MTHFD1L: variants seen among roughly 807,000 people sequenced by gnomAD.
The protein encoded by MTHFD1L is methylenetetrahydrofolate dehydrogenase (NADP+ dependent) 1 like.
Under a neutral mutation model 119.5 loss-of-function variants are expected in MTHFD1L, and 81 were observed. The ratio of observed to expected loss-of-function variants is 0.68; its 90% confidence interval spans 0.57 to 0.82. The LOEUF (loss-of-function observed/expected upper bound fraction) is 0.82, where lower values mean the gene tolerates loss of function less well. MTHFD1L is among the 40% of genes least tolerant of loss of function. MTHFD1L has a pLI of 0.00. For synonymous variants in MTHFD1L, 430 were observed against 475.2 expected, an observed-to-expected ratio of 0.90 and a Z score of 1.24; for missense variants, 1,125 against 1,253.4, an observed-to-expected ratio of 0.90 and a Z score of 1.55.
At chr6:150,884,180 T>G (rs1020755463) in intron 5 of MTHFD1L, among the ~76,000 whole-genome samples, 7 of 151,242 alleles carry the variant, frequency 4.6e-5, no homozygotes, top group African/African-American at 1.7e-4. Flanking sequence ...CTCACTCTGT[T>G]GCCCAGGCTG....
chr6:150,964,871 C>A, intron 18 of MTHFD1L, 98 bp from the exon 19 acceptor site: 1 of 1,149,290 alleles, frequency 8.7e-7, no homozygotes, highest in Non-Finnish European at 1.3e-6. Flanking sequence ...CCTGTGGGGA[C>A]GCCCACCCAA....
At chr6:151,049,270 T>G (rs1214711050) in intron 26 of MTHFD1L, among the ~76,000 whole-genome samples, 1 of 152,112 alleles carries the variant, frequency 6.6e-6, no homozygotes, top group Non-Finnish European at 1.5e-5. Flanking sequence ...GGCAGGCAGA[T>G]CACGAGGTCA....
At chr6:151,088,868 C>T (rs1219670210) in intron 26 of MTHFD1L, among the ~76,000 whole-genome samples, 3 of 152,170 alleles carry the variant, frequency 2.0e-5, no homozygotes, top group South Asian at 2.1e-4. Flanking sequence ...AATCCTGCAT[C>T]GCCTTTCATC....
intron 7 of MTHFD1L, 35 bp from the exon 8 acceptor site, chr6:150,905,615 T>A (rs1385035648): frequency 6.6e-7 from 1 of 1,504,230 alleles, no homozygotes; most frequent in African/African-American, 1.4e-5. Flanking sequence ...ATGCCTCAGA[T>A]CAAGATGTGC....
At chr6:151,087,829 T>C (rs983368045) in intron 26 of MTHFD1L, among the ~76,000 whole-genome samples, 1 of 152,234 alleles carries the variant, frequency 6.6e-6, no homozygotes, top group Non-Finnish European at 1.5e-5. Context: ...ATTCAGAAGC[T>C]TCATTGTAGT....
chr6:150,903,527 C>T (rs146281112), intron 7 of MTHFD1L, among the ~76,000 whole-genome samples: 6 of 152,132 alleles, frequency 3.9e-5, no homozygotes, highest in Non-Finnish European at 7.3e-5. Context: ...AGCGATCCTT[C>T]CACCTCAACC....
At chr6:150,949,243 C>A in intron 16 of MTHFD1L, 110 bp downstream of exon 16, 1 of 781,722 alleles carries the variant, frequency 1.3e-6, no homozygotes, top group Non-Finnish European at 2.1e-6. Flanking sequence ...GTGATCTTCC[C>A]AGCCTGTGCT....
chr6:150,964,667 C>G (rs1362860437), intron 18 of MTHFD1L, among the ~76,000 whole-genome samples: 1 of 152,188 alleles, frequency 6.6e-6, no homozygotes, highest in Non-Finnish European at 1.5e-5. Context: ...AACACATTTT[C>G]TTGCAATGAA....
chr6:150,977,817 G>A (rs978243486), intron 20 of MTHFD1L, among the ~76,000 whole-genome samples: 3 of 151,910 alleles, frequency 2.0e-5, no homozygotes, highest in Non-Finnish European at 4.4e-5. Context: ...CCAGCCACTG[G>A]TGGACTCCTG....
chr6:150,919,640 G>C (rs972612915), intron 9 of MTHFD1L, among the ~76,000 whole-genome samples: 2 of 152,130 alleles, frequency 1.3e-5, no homozygotes, highest in African/African-American at 4.8e-5. Flanking sequence ...CATCTCACAA[G>C]GCGGGAACAG....
intron 25 of MTHFD1L, among the ~76,000 whole-genome samples, chr6:151,035,555 A>T (rs1232628874): frequency 6.6e-6 from 1 of 152,194 alleles, no homozygotes; most frequent in African/African-American, 2.4e-5. Context: ...TTCTTGGCTT[A>T]TCCTTTACAA....
chr6:151,095,674 C>T (rs572689425), intron 27 of MTHFD1L, among the ~76,000 whole-genome samples: 3 of 152,220 alleles, frequency 2.0e-5, no homozygotes, highest in Admixed American at 1.3e-4. Flanking sequence ...TCCAATGTAT[C>T]GGGCATTGTG....
At chr6:150,929,033 T>C (rs1049368932) in intron 11 of MTHFD1L, among the ~76,000 whole-genome samples, 6 of 152,156 alleles carry the variant, frequency 3.9e-5, no homozygotes, top group Non-Finnish European at 7.4e-5. Flanking sequence ...CCAAACTTAA[T>C]GTCCCCATAA....
intron 20 of MTHFD1L, among the ~76,000 whole-genome samples, chr6:151,005,206 G>T (rs1781209251): frequency 6.6e-6 from 1 of 152,014 alleles, no homozygotes; most frequent in Non-Finnish European, 1.5e-5. Context: ...TCACGAGATG[G>T]GTCTTCATAT....
chr6:150,928,264 TC>T (rs1360479577), intron 11 of MTHFD1L, among the ~76,000 whole-genome samples: 2 of 151,578 alleles, frequency 1.3e-5, no homozygotes, highest in African/African-American at 4.8e-5. Context: ...TGAAACCCCG[TC>T]TCTACTAAAA....
At chr6:151,069,291 C>G (rs978710367) in intron 26 of MTHFD1L, among the ~76,000 whole-genome samples, 3 of 151,808 alleles carry the variant, frequency 2.0e-5, no homozygotes, top group Non-Finnish European at 2.9e-5. Context: ...CCCTCCCTCT[C>G]TCTGTCATAG....
rs555926107 is a variant in MTHFD1L at position 151,050,707 on chromosome 6, G to A, written c.2847+13590G>A. On this transcript the variant is annotated intron_variant, in intron 26 of 27. Transcript: ENST00000367321. ...ACTGAACTGGAAGCCACCCCACCTG[G>A]TGTCTGCTGCTTGGTGTATGGGGAA... 8.1e-4 allele frequency among the ~76,000 whole-genome samples: 123 copies of A among 152,144 alleles called. 1 individual carries two copies. The highest frequency in any genetic ancestry group is 2.9e-3 in the African/African-American group (120 of 41,502).
chr6:151,017,755 G>A (rs1471068410), intron 24 of MTHFD1L, among the ~76,000 whole-genome samples: 1 of 150,474 alleles, frequency 6.6e-6, no homozygotes, highest in Admixed American at 6.6e-5. Flanking sequence ...CACAGCTATT[G>A]TAAGTAATGC....
chr6:150,961,618 T>C (rs1796471692), intron 18 of MTHFD1L, among the ~76,000 whole-genome samples: 1 of 152,246 alleles, frequency 6.6e-6, no homozygotes, highest in South Asian at 2.1e-4. Flanking sequence ...ATTTTATTAA[T>C]TTCAAGGGCT....
Sources: allele counts gnomAD v4.1 joint callset (sites outside exome capture counted in the v4.1 genomes callset), GRCh38; gene constraint gnomAD v4.1.1; transcripts MANE v1.5; gene names NCBI Gene and HGNC (gene_info 2026-07-23, HGNC 2026-07-21).